The following NEK11 variants were observed in gnomAD, a reference collection of about 807,000 sequenced individuals.
The protein encoded by NEK11 is NIMA related kinase 11, also known as serine/threonine-protein kinase Nek11.
In NEK11, 72 loss-of-function variants were observed where a neutral mutation model predicts 80.7. The observed-to-expected ratio is 0.89, with a 90% CI of 0.74 to 1.08. The LOEUF (loss-of-function observed/expected upper bound fraction) is 1.08. Ranked by LOEUF, NEK11 falls within the 50% of genes least tolerant of loss-of-function variation. NEK11 has a pLI of 0.00. For synonymous variants in NEK11, 251 were observed against 260.7 expected (o/e 0.96, Z 0.36); for missense variants, 764 against 763.6 (o/e 1.00, Z -0.01).
intron 4 of NEK11, among the ~76,000 whole-genome samples, chr3:131,088,744 T>A (rs1316684629): frequency 6.6e-6 from 1 of 152,224 alleles, no homozygotes; most frequent in Non-Finnish European, 1.5e-5. Flanking sequence ...AAACTCAAGA[T>A]GTTCATTTAT....
intron 4 of NEK11, among the ~76,000 whole-genome samples, chr3:131,082,991 A>AAC (rs781295873): frequency 2.0e-5 from 3 of 152,206 alleles, no homozygotes; most frequent in Non-Finnish European, 4.4e-5. Flanking sequence ...TGCTAGTATG[A>AAC]AACCCAGTGG....
At chr3:131,080,753 A>G (rs2075132730) in intron 4 of NEK11, among the ~76,000 whole-genome samples, 165 bp downstream of exon 4, 2 of 152,226 alleles carry the variant, frequency 1.3e-5, no homozygotes, top group Admixed American at 1.3e-4. Context: ...TAGATAATTG[A>G]CAAAACTTGT....
At position 131,133,939 on chromosome 3, in the gene NEK11, C is replaced by T. The variant is rs763944991; in HGVS notation, c.630C>T (p.Asp210=). 7 of 1,610,020 alleles carry T rather than the reference C, an allele frequency of 4.3e-6. No individual in the cohort carries two copies. The highest frequency in any genetic ancestry group is 5.9e-6 in the Non-Finnish European group (7 of 1,177,782). The part of the protein sequence containing the change: ...SPEALKHQGY[D]TKSDIWSLAC... The stretch of plus-strand genomic sequence containing the variant: ...AGGCTCTGAAACACCAAGGCTATGA[C>T]ACAAAGTCGGACATCTGGTGAGTGG... The change falls in exon 7 of 18, where the codon GAC becomes GAT. Residue 210 remains aspartate (D), a synonymous_variant. Transcript: ENST00000383366.
intron 3 of NEK11, among the ~76,000 whole-genome samples, chr3:131,042,383 A>G (rs934981740): frequency 8.5e-5 from 13 of 152,098 alleles, no homozygotes; most frequent in Admixed American, 8.5e-4. Flanking sequence ...CACAGCCAGC[A>G]TGGCAGTCTG....
chr3:131,244,650 G>GGT (rs1352881563), intron 16 of NEK11, among the ~76,000 whole-genome samples: 2 of 152,074 alleles, frequency 1.3e-5, no homozygotes, highest in African/African-American at 4.8e-5. Context: ...GGTCGAAGGT[G>GGT]GTGGCTCACA....
At chr3:131,044,923 T>TTC (rs1478725716) in intron 3 of NEK11, among the ~76,000 whole-genome samples, 11 of 152,158 alleles carry the variant, frequency 7.2e-5, no homozygotes. Context: ...ACAAACCCTC[T>TTC]CTTAGACCGC....
chr3:131,130,725 G>A (rs1462615717), intron 5 of NEK11, among the ~76,000 whole-genome samples: 5 of 152,158 alleles, frequency 3.3e-5, no homozygotes, highest in African/African-American at 1.2e-4. Context: ...TGACTTTCAA[G>A]TGTTAAAGCA....
intron 15 of NEK11, among the ~76,000 whole-genome samples, chr3:131,242,436 C>T (rs1000169545): frequency 3.9e-5 from 6 of 152,092 alleles, no homozygotes; most frequent in Non-Finnish European, 7.4e-5. Flanking sequence ...CTCTCTCAGG[C>T]CACTTAGCTC....
intron 4 of NEK11, among the ~76,000 whole-genome samples, chr3:131,098,658 C>T (rs1307104674): frequency 1.3e-5 from 2 of 151,410 alleles, no homozygotes; most frequent in South Asian, 2.1e-4. Context: ...TCACTGAAAC[C>T]TCTGCCTCCT....
At chr3:131,229,686 T>C (rs2095291014) in intron 15 of NEK11, among the ~76,000 whole-genome samples, 1 of 151,890 alleles carries the variant, frequency 6.6e-6, no homozygotes, top group Non-Finnish European at 1.5e-5. Flanking sequence ...ATTCAATAAA[T>C]AAAAGCAGTA....
chr3:131,076,489 T>G (rs867825908), intron 3 of NEK11, among the ~76,000 whole-genome samples: 2 of 152,172 alleles, frequency 1.3e-5, no homozygotes, highest in South Asian at 2.1e-4. Flanking sequence ...TAAAAATAAT[T>G]CCTGCCTTCC....
chr3:131,087,329 T>C (rs1052671496), intron 4 of NEK11, among the ~76,000 whole-genome samples: 3 of 146,292 alleles, frequency 2.1e-5, no homozygotes, highest in Admixed American at 7.0e-5. Context: ...CTGCAACCTC[T>C]GCCTCCCAGG....
chr3:131,040,412 T>C (rs1229869375), intron 3 of NEK11, among the ~76,000 whole-genome samples: 1 of 152,196 alleles, frequency 6.6e-6, no homozygotes, highest in African/African-American at 2.4e-5. Context: ...GGTGTCATGT[T>C]TCATGGGTAT....
chr3:131,282,046 C>T (rs1003024986), intron 17 of NEK11, among the ~76,000 whole-genome samples: 1 of 152,152 alleles, frequency 6.6e-6, no homozygotes, highest in Admixed American at 6.5e-5. Flanking sequence ...TTTCCAGAAA[C>T]CTTGCTTACT....
At chr3:131,211,665 T>G (rs924519405) in intron 14 of NEK11, among the ~76,000 whole-genome samples, 1 of 152,178 alleles carries the variant, frequency 6.6e-6, no homozygotes, top group Non-Finnish European at 1.5e-5. Context: ...CTTTGTTCAT[T>G]TCTTTTTACT....
At chr3:131,289,296 G>C (rs1164925630) in intron 17 of NEK11, among the ~76,000 whole-genome samples, 1 of 152,138 alleles carries the variant, frequency 6.6e-6, no homozygotes, top group East Asian at 1.9e-4. Flanking sequence ...CACAATAACA[G>C]CCTTGTTTTA....
At chr3:131,335,121 A>G (rs561230461) in intron 17 of NEK11, among the ~76,000 whole-genome samples, 5 of 152,352 alleles carry the variant, frequency 3.3e-5, no homozygotes, top group African/African-American at 1.2e-4. Flanking sequence ...TCATTTTATG[A>G]GGCCAGCATC....
chr3:131,127,232 T>TG (rs1052548836), intron 5 of NEK11, among the ~76,000 whole-genome samples: 10 of 152,110 alleles, frequency 6.6e-5, no homozygotes, highest in Admixed American at 3.9e-4. Flanking sequence ...CCCAAAGAGC[T>TG]GGGATTATAG....
chr3:131,291,522 C>A (rs1219425855), intron 17 of NEK11, among the ~76,000 whole-genome samples: 1 of 152,088 alleles, frequency 6.6e-6, no homozygotes, highest in African/African-American at 2.4e-5. Flanking sequence ...ACAAGAAATC[C>A]TCCAAACTGT....
Sources: allele counts gnomAD v4.1 joint callset (sites outside exome capture counted in the v4.1 genomes callset), GRCh38; gene constraint gnomAD v4.1.1; transcripts MANE v1.5; gene names NCBI Gene and HGNC (gene_info 2026-07-23, HGNC 2026-07-21).